The following CNTNAP5 variants were observed in gnomAD, a reference collection of about 807,000 sequenced individuals.
The protein encoded by CNTNAP5 is contactin-associated protein-like 5.
Under a neutral mutation model 150.2 loss-of-function variants are expected in CNTNAP5, and 72 were observed. The ratio of observed to expected loss-of-function variants is 0.48; its 90% CI spans 0.40 to 0.58. CNTNAP5 has a LOEUF of 0.58. Among genes scored for constraint, CNTNAP5 ranks in the 20% least tolerant of loss-of-function variants. The pLI is 0.00. For missense variants in CNTNAP5, 1,636 were observed against 1,626.2 expected (o/e 1.01, Z -0.10); for synonymous variants, 672 against 619.8 (o/e 1.08, Z -1.25).
chr2:124,063,803 T>C (rs17271568), intron 1 of CNTNAP5, among the ~76,000 whole-genome samples: 46,576 of 151,968 alleles, frequency 0.31, 7,439 homozygotes, highest in Admixed American at 0.37. Context: ...AGTAGTGGAA[T>C]AAAGGTGGGC....
chr2:124,690,319 G>A (rs953974918), intron 13 of CNTNAP5, among the ~76,000 whole-genome samples: 8 of 151,964 alleles, frequency 5.3e-5, no homozygotes, highest in African/African-American at 1.7e-4. Context: ...ATTTATTTGA[G>A]GACTCTTCCT....
chr2:124,199,352 A>T (rs1685662953), intron 1 of CNTNAP5, among the ~76,000 whole-genome samples: 1 of 151,710 alleles, frequency 6.6e-6, no homozygotes, highest in Admixed American at 6.6e-5. Flanking sequence ...GATCTTCTAA[A>T]AGGTCTTTCC....
At chr2:124,277,566 T>A (rs894203428) in intron 3 of CNTNAP5, among the ~76,000 whole-genome samples, 1 of 152,174 alleles carries the variant, frequency 6.6e-6, no homozygotes, top group East Asian at 1.9e-4. Context: ...TTAACTTTCA[T>A]TTCCAAGAGG....
At chr2:124,787,379 A>G (rs1253533054) in intron 17 of CNTNAP5, among the ~76,000 whole-genome samples, 2 of 152,200 alleles carry the variant, frequency 1.3e-5, no homozygotes, top group Non-Finnish European at 2.9e-5. Flanking sequence ...AAAGAGATTT[A>G]CTTACCAAAA....
chr2:124,209,312 T>G (rs1463576811), intron 1 of CNTNAP5, among the ~76,000 whole-genome samples: 1 of 152,198 alleles, frequency 6.6e-6, no homozygotes, highest in East Asian at 1.9e-4. Flanking sequence ...GTTAATACTC[T>G]TATGACCTTC....
At chr2:124,160,282 A>T (rs1290281475) in intron 1 of CNTNAP5, among the ~76,000 whole-genome samples, 1 of 152,192 alleles carries the variant, frequency 6.6e-6, no homozygotes, top group Non-Finnish European at 1.5e-5. Flanking sequence ...CTCTTTTATA[A>T]GAGTCTGTTC....
chr2:124,475,178 A>T (rs927565472), intron 7 of CNTNAP5, among the ~76,000 whole-genome samples: 2 of 152,082 alleles, frequency 1.3e-5, no homozygotes, highest in Non-Finnish European at 2.9e-5. Context: ...GACAACATGA[A>T]TTTTTTATTA....
At chr2:124,894,206 G>C (rs1341108601) in intron 21 of CNTNAP5, among the ~76,000 whole-genome samples, 1 of 151,944 alleles carries the variant, frequency 6.6e-6, no homozygotes, top group Non-Finnish European at 1.5e-5. Context: ...GTAATAAAAA[G>C]TAGATAATAT....
At chr2:124,084,939 T>TTTTTTTTTTTTTTAG (rs57377130) in intron 1 of CNTNAP5, among the ~76,000 whole-genome samples, 1 of 146,358 alleles carries the variant, frequency 6.8e-6, no homozygotes, top group African/African-American at 2.5e-5. Context: ...TTTTTTTTTT[T>TTTTTTTTTTTTTTAG]GAGACGGAGT....
At chr2:124,795,626 T>G (rs1681828252) in intron 18 of CNTNAP5, among the ~76,000 whole-genome samples, 1 of 152,210 alleles carries the variant, frequency 6.6e-6, no homozygotes, top group South Asian at 2.1e-4. Context: ...CAAGTGATTC[T>G]CCTGTCTTGG....
chr2:124,533,113 C>T lies in CNTNAP5; in HGVS notation c.1649+5657C>T, dbSNP rs201463324. The stretch of plus-strand genomic sequence containing the variant: ...CTTTTTCAGAAGACCTGCCATGGCC[C>T]ATTAGGAAAGCACTCATAAATTTAG... On this transcript the variant is annotated intron_variant, in intron 10 of 23. Transcript: ENST00000682447. Among the ~76,000 whole-genome samples the T allele has an allele frequency of 7.2e-5, 11 of 152,010 alleles. No individual in the cohort carries two copies. In the East Asian group the frequency reaches 2.1e-3, roughly 30 times the overall value.
At chr2:124,076,500 A>C (rs930061849) in intron 1 of CNTNAP5, among the ~76,000 whole-genome samples, 2 of 152,128 alleles carry the variant, frequency 1.3e-5, no homozygotes, top group African/African-American at 4.8e-5. Context: ...TTTGGTTGAC[A>C]CTTTGAAGCT....
chr2:124,125,897 G>A (rs1207494873), intron 1 of CNTNAP5, among the ~76,000 whole-genome samples: 1 of 152,102 alleles, frequency 6.6e-6, no homozygotes, highest in East Asian at 1.9e-4. Flanking sequence ...CAGAATCTCT[G>A]GGACACATTT....
At chr2:124,349,227 G>C (rs552166734) in intron 3 of CNTNAP5, among the ~76,000 whole-genome samples, 1 of 152,192 alleles carries the variant, frequency 6.6e-6, no homozygotes, top group Non-Finnish European at 1.5e-5. Flanking sequence ...TAGGCTGTAC[G>C]ATGTAGCCTG....
intron 10 of CNTNAP5, among the ~76,000 whole-genome samples, chr2:124,549,245 G>A (rs546960341): frequency 7.9e-5 from 12 of 152,298 alleles, no homozygotes; most frequent in East Asian, 7.7e-4. Context: ...AGCAGTAAGC[G>A]CCAAGCTTGG....
Position 124,080,529 on chromosome 2 carries a change from G to A in CNTNAP5, c.82+54797G>A, listed in dbSNP as rs532140887. On this transcript the variant is annotated intron_variant, in intron 1 of 23. Transcript: ENST00000682447. ...GGGTGTGTTCTGTTTATGTAATCTAGAGTAGTCATTTCTGAATTGATTGCA... is the reference window on the plus strand; with the variant it reads ...GGGTGTGTTCTGTTTATGTAATCTAAAGTAGTCATTTCTGAATTGATTGCA... Among the ~76,000 whole-genome samples the A allele has an allele frequency of 2.0e-5, 3 of 152,144 alleles. No homozygotes were observed. In the East Asian group the frequency reaches 5.8e-4, roughly 29 times the overall value.
chr2:124,209,253 G>A (rs1685943156), intron 1 of CNTNAP5, among the ~76,000 whole-genome samples: 1 of 152,138 alleles, frequency 6.6e-6, no homozygotes, highest in African/African-American at 2.4e-5. Context: ...ATGAGAGGGT[G>A]TTGGAGGCTG....
chr2:124,273,973 A>C (rs1687821663), intron 3 of CNTNAP5, among the ~76,000 whole-genome samples: 1 of 152,158 alleles, frequency 6.6e-6, no homozygotes, highest in African/African-American at 2.4e-5. Flanking sequence ...TGGCCTGGAG[A>C]AATATCTAGC....
rs138186927 is a variant in CNTNAP5 at position 124,636,517 on chromosome 2, CTACTTA to C, written c.1877-11235_1877-11230del. ...AAAATTAATTCAACAGAGTGAATAA[CTACTTA>C]TACTTGAACATGAATGATCTACCAT... On this transcript the variant is annotated intron_variant, in intron 12 of 23. Transcript: ENST00000682447. Among the ~76,000 whole-genome samples, 1,457 of 152,170 alleles carry C rather than the reference CTACTTA, an allele frequency of 9.6e-3. 21 individuals are homozygous for C. The highest frequency in any genetic ancestry group is 0.032 in the African/African-American group (1,336 of 41,508).
Sources: gnomAD v4.1 joint callset for allele counts (sites outside exome capture counted in the v4.1 genomes callset) on GRCh38, gnomAD v4.1.1 for gene constraint, MANE v1.5 for transcripts, NCBI Gene and HGNC (gene_info 2026-07-23, HGNC 2026-07-21) for gene names.